CA10: variants seen among roughly 807,000 people sequenced by gnomAD.
The protein encoded by CA10 is carbonic anhydrase 10 (inactive), also known as carbonic anhydrase-related protein 10.
CA10 carries 14 observed loss-of-function variants against 44.2 expected under a neutral mutation model. The ratio of observed to expected loss-of-function variants is 0.32; its 90% confidence interval spans 0.21 to 0.50. The LOEUF (loss-of-function observed/expected upper bound fraction) is 0.50. CA10 is among the 20% of genes least tolerant of loss of function. The pLI is 0.99. For missense variants in CA10, 350 were observed against 409.7 expected (o/e 0.85, Z 1.26); for synonymous variants, 159 against 141.6 (o/e 1.12, Z -0.87).
intron 2 of CA10, among the ~76,000 whole-genome samples, chr17:52,001,660 T>C (rs150685550): frequency 2.1e-3 from 322 of 152,106 alleles, no homozygotes; most frequent in African/African-American, 7.3e-3. Flanking sequence ...TTATAAATTT[T>C]TGAAAGTGGA....
intron 1 of CA10, among the ~76,000 whole-genome samples, chr17:52,115,487 TG>T (rs985846098): frequency 6.6e-6 from 1 of 152,204 alleles, no homozygotes; most frequent in Non-Finnish European, 1.5e-5. Flanking sequence ...TTGTCACTCT[TG>T]GGGGTCAGGA....
chr17:51,926,747 G>C (rs1982447882), intron 3 of CA10, among the ~76,000 whole-genome samples: 1 of 152,006 alleles, frequency 6.6e-6, no homozygotes, highest in African/African-American at 2.4e-5. Context: ...GGTTACAAGG[G>C]GTTTGCCTGG....
At chr17:51,704,051 C>T (rs1031334108) in intron 4 of CA10, among the ~76,000 whole-genome samples, 13 of 152,122 alleles carry the variant, frequency 8.5e-5, no homozygotes, top group South Asian at 2.1e-4. Context: ...TGATCTCTTT[C>T]GATTGTTTCT....
chr17:52,016,198 A>G (rs997203375), intron 2 of CA10, among the ~76,000 whole-genome samples: 1 of 152,114 alleles, frequency 6.6e-6, no homozygotes, highest in Admixed American at 6.6e-5. Flanking sequence ...AAGCATCCAG[A>G]GTGCTTTGTA....
intron 1 of CA10, among the ~76,000 whole-genome samples, chr17:52,076,911 T>C (rs1410431318): frequency 1.3e-5 from 2 of 152,168 alleles, no homozygotes; most frequent in African/African-American, 4.8e-5. Flanking sequence ...TGCTCCTCTT[T>C]GCCTAGGTAT....
chr17:51,731,673 A>AAAGATT (rs570339949), intron 4 of CA10, among the ~76,000 whole-genome samples: 1 of 27,370 alleles, frequency 3.7e-5, no homozygotes, highest in Non-Finnish European at 9.0e-5. Flanking sequence ...AAAAAAAAAA[A>AAAGATT]GATTTATTTA....
chr17:51,725,505 A>G (rs2143543020), intron 4 of CA10, among the ~76,000 whole-genome samples: 1 of 152,302 alleles, frequency 6.6e-6, no homozygotes, highest in Admixed American at 6.5e-5. Context: ...TCTCTGTGGC[A>G]GGGCCAGCAG....
At chr17:51,943,063 CTTCAT>C (rs1171292569) in intron 2 of CA10, among the ~76,000 whole-genome samples, 2 of 152,108 alleles carry the variant, frequency 1.3e-5, no homozygotes, top group African/African-American at 4.8e-5. Context: ...AATTATTCTA[CTTCAT>C]TTCAATACCC....
At chr17:51,663,515 C>T (rs1914087575) in intron 4 of CA10, among the ~76,000 whole-genome samples, 1 of 92,774 alleles carries the variant, frequency 1.1e-5, no homozygotes, top group South Asian at 4.8e-4. Flanking sequence ...GCTCTGGCTC[C>T]AAGTCCTGGG....
chr17:52,129,459 A>G (rs918859572), intron 1 of CA10, among the ~76,000 whole-genome samples: 1 of 152,200 alleles, frequency 6.6e-6, no homozygotes, highest in African/African-American at 2.4e-5. Flanking sequence ...CTCGTTATGG[A>G]TATGAGAAAA....
At chr17:52,005,861 T>G (rs985906076) in intron 2 of CA10, among the ~76,000 whole-genome samples, 2 of 151,718 alleles carry the variant, frequency 1.3e-5, no homozygotes, top group Non-Finnish European at 2.9e-5. Flanking sequence ...GCTTTCAACA[T>G]CTGGTCATGG....
At chr17:51,636,081 CATACATACAT>C (rs889865475) in intron 6 of CA10, 72 bp from the exon 7 acceptor site, 186 of 801,762 alleles carry the variant, frequency 2.3e-4, no homozygotes, top group African/African-American at 3.7e-4. Context: ...TACATACATA[CATACATACAT>C]ATACATATAC....
intron 1 of CA10, among the ~76,000 whole-genome samples, chr17:52,129,685 C>T (rs905601039): frequency 6.6e-6 from 1 of 152,152 alleles, no homozygotes; most frequent in African/African-American, 2.4e-5. Flanking sequence ...TCATTAGATG[C>T]CTAATTTACA....
chr17:51,963,554 G>T (rs1186005488), intron 2 of CA10, among the ~76,000 whole-genome samples: 1 of 152,300 alleles, frequency 6.6e-6, no homozygotes, highest in African/African-American at 2.4e-5. Flanking sequence ...ACCACCTAAG[G>T]CTAACAGTGG....
At chr17:51,671,975 CT>C (rs1435833808) in intron 4 of CA10, among the ~76,000 whole-genome samples, 1 of 152,198 alleles carries the variant, frequency 6.6e-6, no homozygotes, top group African/African-American at 2.4e-5. Flanking sequence ...AGTTACAAAT[CT>C]AACCCTAGCC....
intron 2 of CA10, among the ~76,000 whole-genome samples, chr17:51,944,514 T>C (rs986995047): frequency 1.3e-5 from 2 of 152,142 alleles, no homozygotes; most frequent in African/African-American, 4.8e-5. Context: ...TAATTTATCA[T>C]AATGAAACAC....
chr17:51,899,782 T>G (rs1049306017), intron 3 of CA10, among the ~76,000 whole-genome samples: 2 of 152,106 alleles, frequency 1.3e-5, no homozygotes, highest in Non-Finnish European at 2.9e-5. Context: ...AATTCAACCC[T>G]TAGCCATTAT....
At chr17:52,129,819 A>C (rs571854621) in intron 1 of CA10, among the ~76,000 whole-genome samples, 1 of 152,306 alleles carries the variant, frequency 6.6e-6, no homozygotes, top group Non-Finnish European at 1.5e-5. Context: ...GACTGGAACA[A>C]GATTTGTTGA....
chr17:52,125,059 G>A (rs936327421), intron 1 of CA10, among the ~76,000 whole-genome samples: 2 of 152,114 alleles, frequency 1.3e-5, no homozygotes, highest in African/African-American at 4.8e-5. Flanking sequence ...CACAGCTTTT[G>A]CACACACAGC....
Sources: gnomAD v4.1 joint callset for allele counts (sites outside exome capture counted in the v4.1 genomes callset) on GRCh38, gnomAD v4.1.1 for gene constraint, MANE v1.5 for transcripts, NCBI Gene and HGNC (gene_info 2026-07-23, HGNC 2026-07-21) for gene names.